Variants in TMEM38B observed in about 807,000 individuals in gnomAD.
TMEM38B encodes the protein transmembrane protein 38B, also known as trimeric intracellular cation channel type B.
TMEM38B carries 24 observed loss-of-function variants against 28.7 expected under a neutral mutation model. That is an observed-to-expected ratio of 0.84 (90% CI 0.61 to 1.18). The LOEUF (loss-of-function observed/expected upper bound fraction) is 1.18, where lower values mean the gene tolerates loss of function less well. Among genes scored for constraint, TMEM38B ranks in the 50% most tolerant of loss-of-function variants. The probability of loss-of-function intolerance (pLI) is 0.00; values close to 1 mark genes in which losing one functional copy is unlikely to be tolerated. For missense variants in TMEM38B, 380 were observed against 350.9 expected, an observed-to-expected ratio of 1.08 and a Z score of -0.66; for synonymous variants, 131 against 127.7, an observed-to-expected ratio of 1.03 and a Z score of -0.17.
intron 5 of TMEM38B, among the ~76,000 whole-genome samples, chr9:105,768,832 G>A (rs1826456962): frequency 6.6e-6 from 1 of 152,064 alleles, no homozygotes; most frequent in Non-Finnish European, 1.5e-5. Context: ...TCAGTTTCAT[G>A]GATTTGTTTC....
At chr9:105,771,141 C>G (rs1174148701) in intron 5 of TMEM38B, among the ~76,000 whole-genome samples, 1 of 152,020 alleles carries the variant, frequency 6.6e-6, no homozygotes, top group Non-Finnish European at 1.5e-5. Context: ...GTTTCATCTC[C>G]TTTTTAAGTA....
intron 2 of TMEM38B, among the ~76,000 whole-genome samples, chr9:105,713,381 G>A (rs576650944): frequency 7.2e-5 from 11 of 152,298 alleles, no homozygotes; most frequent in Non-Finnish European, 1.0e-4. Context: ...GCCTGCTCCC[G>A]CTGCCTGGCC....
intron 5 of TMEM38B, among the ~76,000 whole-genome samples, chr9:105,768,804 A>T (rs1826455924): frequency 6.6e-6 from 1 of 151,856 alleles, no homozygotes; most frequent in Admixed American, 6.6e-5. Context: ...TTTTAAAATC[A>T]CTCTACCTAG....
intron 4 of TMEM38B, among the ~76,000 whole-genome samples, chr9:105,742,508 T>A (rs1224352568): frequency 1.3e-5 from 2 of 152,254 alleles, no homozygotes; most frequent in African/African-American, 4.8e-5. Flanking sequence ...TGGAAGCAGA[T>A]AACTTGTTTG....
Position 105,760,339 on chromosome 9 carries a change from T to C in TMEM38B, c.660+12149T>C. On this transcript the variant is annotated intron_variant, in intron 5 of 5. Coordinates refer to ENST00000374692, the MANE Select transcript of TMEM38B (RefSeq NM_018112.3). ...TCTGGCTGGAAGATTAGTTTCTTTC[T>C]TACTGGATCATCATCAGGAAATTCT... 2.2e-5 allele frequency: 17 copies of C among 772,788 alleles called. No homozygotes were observed. In the South Asian group the frequency reaches 2.3e-4, roughly 10 times the overall value. The allele number at this position is 772,788 out of a possible 1,614,324, so 47.9% of individuals were successfully genotyped here. A position where few individuals can be genotyped will look rare whatever the true frequency, so the allele number is the denominator to read the frequency against.
chr9:105,761,563 A>T (rs150120949), intron 5 of TMEM38B, among the ~76,000 whole-genome samples: 62 of 152,298 alleles, frequency 4.1e-4, no homozygotes, highest in Middle Eastern at 3.4e-3. Flanking sequence ...TTTTTAATCA[A>T]GGGAGATACA....
At position 105,698,968 on chromosome 9, in the gene TMEM38B, G is replaced by A. The variant is rs540286655; in HGVS notation, c.112+4196G>A. Among the ~76,000 whole-genome samples, 537 of 152,110 alleles carry A rather than the reference G, an allele frequency of 3.5e-3. 3 individuals are homozygous for A. Among genetic ancestry groups the A allele is most frequent in the African/African-American group, 0.012 (511 of 41,522 alleles). On this transcript the variant is annotated intron_variant, in intron 1 of 5. Transcript: ENST00000374692. ...GACTTCCAAGTCTATTGGAGTAAAT[G>A]TTTACATTATATTGTAGAAAATTTC...
intron 4 of TMEM38B, among the ~76,000 whole-genome samples, chr9:105,732,054 C>T (rs1390340741): frequency 6.6e-6 from 1 of 152,116 alleles, no homozygotes; most frequent in Non-Finnish European, 1.5e-5. Context: ...TCTCTCATGA[C>T]CAGTAGTGAT....
intron 5 of TMEM38B, among the ~76,000 whole-genome samples, chr9:105,762,247 A>AT (rs1293168218): frequency 2.1e-4 from 32 of 150,640 alleles, no homozygotes; most frequent in Middle Eastern, 3.4e-3. Flanking sequence ...CTGGCTATAA[A>AT]TTTTTTTTTT....
chr9:105,738,600 T>C (rs1300851396), intron 4 of TMEM38B, among the ~76,000 whole-genome samples: 1 of 152,048 alleles, frequency 6.6e-6, no homozygotes, highest in African/African-American at 2.4e-5. Context: ...TTGATGTCAA[T>C]TTTTGATGTC....
intron 5 of TMEM38B, among the ~76,000 whole-genome samples, chr9:105,771,819 A>G (rs150348095): frequency 1.3e-5 from 2 of 152,234 alleles, no homozygotes; most frequent in East Asian, 1.9e-4. Context: ...TTCCAGATCT[A>G]TATCTATTAT....
At chr9:105,715,311 CTCTTT>C (rs1407474919) in intron 2 of TMEM38B, among the ~76,000 whole-genome samples, 3 of 151,952 alleles carry the variant, frequency 2.0e-5, no homozygotes, top group Non-Finnish European at 4.4e-5. Flanking sequence ...AATTTTCTTT[CTCTTT>C]TAAGATCTTT....
intron 4 of TMEM38B, among the ~76,000 whole-genome samples, chr9:105,739,641 C>T (rs935666623): frequency 1.4e-4 from 21 of 152,076 alleles, no homozygotes; most frequent in Non-Finnish European, 2.5e-4. Flanking sequence ...TCTCCTGCCT[C>T]AGCCTCCCAA....
At chr9:105,721,769 A>T in intron 3 of TMEM38B, 48 bp downstream of exon 3, 16 of 1,382,234 alleles carry the variant, frequency 1.2e-5, no homozygotes, top group Non-Finnish European at 1.6e-5. Flanking sequence ...TTGGTGTATT[A>T]TTAATACCAT....
intron 4 of TMEM38B, among the ~76,000 whole-genome samples, chr9:105,731,823 G>T (rs1588429493): frequency 5.3e-5 from 8 of 152,264 alleles, no homozygotes; most frequent in South Asian, 2.1e-4. Context: ...TATATACCCA[G>T]TAATGGGATC....
chr9:105,768,476 G>A (rs932496787), intron 5 of TMEM38B, among the ~76,000 whole-genome samples: 6 of 151,982 alleles, frequency 3.9e-5, no homozygotes, highest in Admixed American at 3.9e-4. Flanking sequence ...CTGAGTTTAT[G>A]TAGGTTTGAT....
At chr9:105,756,706 A>G (rs1314078849) in intron 5 of TMEM38B, among the ~76,000 whole-genome samples, 5 of 152,116 alleles carry the variant, frequency 3.3e-5, no homozygotes, top group Non-Finnish European at 5.9e-5. Context: ...ACTGCAATGT[A>G]ATAATAATAA....
At chr9:105,712,887 G>A (rs1835955792) in intron 2 of TMEM38B, among the ~76,000 whole-genome samples, 1 of 152,172 alleles carries the variant, frequency 6.6e-6, no homozygotes, top group South Asian at 2.1e-4. Flanking sequence ...ACCGGCCAAG[G>A]GGGAGCTTCA....
intron 5 of TMEM38B, among the ~76,000 whole-genome samples, chr9:105,751,908 ACTT>A (rs1588457428): frequency 6.6e-6 from 1 of 152,052 alleles, no homozygotes; most frequent in East Asian, 1.9e-4. Flanking sequence ...GCCTTTAGCC[ACTT>A]CAGAAGGGTT....
Sources: gnomAD v4.1 joint callset for allele counts (sites outside exome capture counted in the v4.1 genomes callset) on GRCh38, gnomAD v4.1.1 for gene constraint, MANE v1.5 for transcripts, NCBI Gene and HGNC (gene_info 2026-07-23, HGNC 2026-07-21) for gene names.